Variants in SLC4A1 observed in about 807,000 individuals in gnomAD.
The protein encoded by SLC4A1 is solute carrier family 4 member 1 (Diego blood group).
SLC4A1 carries 29 observed loss-of-function variants against 93.1 expected under a neutral mutation model. The ratio of observed to expected loss-of-function variants is 0.31; its 90% CI spans 0.23 to 0.42. SLC4A1 has a LOEUF of 0.42. SLC4A1 is among the 20% of genes least tolerant of loss of function. The pLI is 1.00. For missense variants in SLC4A1, 965 were observed against 1,190.1 expected (o/e 0.81, Z 2.78); for synonymous variants, 469 against 497.2 (o/e 0.94, Z 0.76).
intron 1 of SLC4A1, among the ~76,000 whole-genome samples, chr17:44,265,157 C>G (rs778873866): frequency 1.3e-5 from 2 of 151,190 alleles, no homozygotes; most frequent in Non-Finnish European, 2.9e-5. Context: ...GAACAAGGCC[C>G]GTCTCTACTC....
At chr17:44,251,097 T>G (rs2047334326) in intron 19 of SLC4A1, 62 bp downstream of exon 19, 2 of 1,529,690 alleles carry the variant, frequency 1.3e-6, no homozygotes, top group Non-Finnish European at 8.9e-7. Flanking sequence ...CCTGCCCTAG[T>G]TCTGAGACGC....
Position 44,257,747 on chromosome 17 carries a change from C to A in SLC4A1, c.1343G>T (p.Gly448Val). Residue 448 changes from glycine (G) to valine (V), a missense_variant, in exon 12 of 20, where the codon GGC becomes GTC. By Grantham distance (109) the Gly-to-Val change is moderately radical. Transcript: ENST00000262418. Reference protein sequence around the residue: ...SELLISTAVQGILFALLGAQP... With the variant: ...SELLISTAVQVILFALLGAQP... ...AGCCCCCAGCAGGGCGAAGAGAATGCCCTGCACTGCAGTGGAGATCAGCAG... is the reference window on the plus strand; with the variant it reads ...AGCCCCCAGCAGGGCGAAGAGAATGACCTGCACTGCAGTGGAGATCAGCAG... 6.2e-7 allele frequency: 1 copy of A among 1,614,026 alleles called. No homozygotes were observed.
At chr17:44,263,791 C>T (rs2047472638) in intron 1 of SLC4A1, among the ~76,000 whole-genome samples, 2 of 148,722 alleles carry the variant, frequency 1.3e-5, no homozygotes, top group African/African-American at 5.1e-5. Context: ...CTTTTTGAGA[C>T]AGAGTCTCAC....
intron 19 of SLC4A1, 134 bp downstream of exon 19, chr17:44,251,025 C>T: frequency 1.0e-6 from 1 of 959,990 alleles, no homozygotes; most frequent in East Asian, 2.6e-5. Flanking sequence ...TATGCTAGGA[C>T]ACAGCAGGCC....
Position 44,257,769 on chromosome 17 carries a change from G to A in SLC4A1, c.1321C>T (p.Leu441=). The A allele has an allele frequency of 6.2e-7, 1 of 1,613,990 alleles. No homozygotes were observed. The highest frequency in any genetic ancestry group is 1.7e-4 in the Middle Eastern group (1 of 6,038). The part of the protein sequence containing the change: ...TRNQMGVSEL[L]ISTAVQGILF... ...ATGCCCTGCACTGCAGTGGAGATCA[G>A]CAGCTCCGACACTCCCATCTGGTTC... The change falls in exon 12 of 20, where the codon CTG becomes TTG. Residue 441 remains leucine (L), a synonymous_variant. Coordinates refer to ENST00000262418, the MANE Select transcript of SLC4A1 (RefSeq NM_000342.4).
Position 44,251,493 on chromosome 17 carries a change from T to C in SLC4A1, c.2407A>G (p.Ile803Val). ...AGCAAGATGCGGTCAAAGAGCTGGA[T>C]GCCGCTGAGCGACGTGACCCCCATG... The part of the protein sequence containing the change: ...LYMGVTSLSG[I>V]QLFDRILLLF... Residue 803 changes from isoleucine to valine, a missense_variant, in exon 18 of 20, where the codon ATC (isoleucine) becomes GTC (valine). This residue lies in a region of SLC4A1 where 770 missense variants were observed against 1,006.6 expected (regional missense o/e 0.76). Coordinates refer to ENST00000262418, the MANE Select transcript of SLC4A1 (RefSeq NM_000342.4). 6.2e-7 allele frequency: 1 copy of C among 1,614,156 alleles called. No homozygotes were observed. The highest frequency in any genetic ancestry group is 8.5e-7 in the Non-Finnish European group (1 of 1,180,038).
At chr17:44,252,026 C>T (rs1223193304) in intron 17 of SLC4A1, among the ~76,000 whole-genome samples, 3 of 148,274 alleles carry the variant, frequency 2.0e-5, no homozygotes, top group Admixed American at 2.0e-4. Context: ...CCACGCCTGG[C>T]CTGGAGCTAT....
rs561325467 is a variant in SLC4A1, at chr17:44,261,730, A to T, written c.107-94T>A. The T allele has an allele frequency of 1.1e-5, 17 of 1,606,752 alleles. No individual in the cohort carries two copies. The Admixed American group carries it at 2.9e-4, about 27-fold the overall frequency. ...GAGCCTCAGAGACCCAGGCATGGGCAGATGCCCCTCCTTCCCAGTGCCCTG... is the reference window on the plus strand; with the variant it reads ...GAGCCTCAGAGACCCAGGCATGGGCTGATGCCCCTCCTTCCCAGTGCCCTG... On this transcript the variant is annotated intron_variant, in intron 3 of 19. Coordinates refer to ENST00000262418, the MANE Select transcript of SLC4A1 (RefSeq NM_000342.4).
chr17:44,262,559 G>T, intron 3 of SLC4A1, 77 bp downstream of exon 3: 1 of 1,068,664 alleles, frequency 9.4e-7, no homozygotes, highest in Non-Finnish European at 1.4e-6. Flanking sequence ...GTGGAGAAGG[G>T]GAGAGGACAA....
intron 1 of SLC4A1, among the ~76,000 whole-genome samples, chr17:44,266,423 G>A (rs1380157075): frequency 6.6e-6 from 1 of 152,162 alleles, no homozygotes; most frequent in African/African-American, 2.4e-5. Flanking sequence ...TTGCCTATCT[G>A]AGGAGTGGAA....
Position 44,259,388 on chromosome 17 carries a change from G to T in SLC4A1, c.695-44C>A, listed in dbSNP as rs765030125. On this transcript the variant is annotated intron_variant, in intron 8 of 19. Transcript: ENST00000262418. ...ATCAGGCCAGGCCGAGGAGCCCAGG[G>T]TGGGTGTGCTGAAGAGATGGGGCTG... is the stretch of plus-strand genomic sequence containing the variant. The T allele has an allele frequency of 2.5e-6, 4 of 1,611,472 alleles. No homozygotes were observed. The African/African-American group carries it at 5.3e-5, about 22-fold the overall frequency.
At chr17:44,266,947 A>G (rs1390701544) in intron 1 of SLC4A1, among the ~76,000 whole-genome samples, 2 of 152,240 alleles carry the variant, frequency 1.3e-5, no homozygotes, top group African/African-American at 4.8e-5. Flanking sequence ...CGAACTGCAC[A>G]AAGAACTGTA....
intron 1 of SLC4A1, among the ~76,000 whole-genome samples, chr17:44,265,837 C>T (rs934411017): frequency 1.3e-5 from 2 of 151,996 alleles, no homozygotes; most frequent in African/African-American, 4.8e-5. Flanking sequence ...AAAAATTAGC[C>T]AGGCGTGGTG....
chr17:44,253,501 G>T, intron 16 of SLC4A1, 130 bp from the exon 17 acceptor site: 3 of 1,164,448 alleles, frequency 2.6e-6, no homozygotes, highest in Non-Finnish European at 3.6e-6. Flanking sequence ...TGAGTTCCTT[G>T]CTCCCCTCCC....
rs556266412 is a variant in SLC4A1 at position 44,255,661 on chromosome 17, G to A, written c.1800+12C>T. On this transcript the variant is annotated intron_variant, in intron 14 of 19. Coordinates refer to ENST00000262418, the MANE Select transcript of SLC4A1 (RefSeq NM_000342.4). ...CAGTGTTGGCAAGGACAGGCGAGGA[G>A]GGTATGCTGACCTTGCCAGGGAAAT... 408 of 1,613,032 alleles carry A rather than the reference G, an allele frequency of 2.5e-4. 5 individuals are homozygous for A. In the Middle Eastern group the frequency reaches 4.1e-3, roughly 16 times the overall value.
Position 44,254,613 on chromosome 17 carries a change from C to T in SLC4A1, c.1940G>A (p.Gly647Asp), listed in dbSNP as rs745877067. The T allele has an allele frequency of 3.7e-6, 6 of 1,614,018 alleles. No homozygotes were observed. Among genetic ancestry groups the T allele is most frequent in the Admixed American group, 1.7e-5 (1 of 60,004 alleles). Reference sequence around the variant, plus strand: ...CAAGCCCAGTGGGTGGATGACCCAGCCCCGGGCTGAGGAGTTGGACACCTT... The same window carrying T: ...CAAGCCCAGTGGGTGGATGACCCAGTCCCGGGCTGAGGAGTTGGACACCTT... ...GFKVSNSSARGWVIHPLGLRS... is the reference protein window; with the variant it reads ...GFKVSNSSARDWVIHPLGLRS... The change falls in exon 16 of 20, where the codon GGC (glycine) becomes GAC (aspartate). Residue 647 changes from glycine (G) to aspartate (D), a missense_variant. This residue lies in a region of SLC4A1 where 770 missense variants were observed against 1,006.6 expected (regional missense o/e 0.76). Transcript: ENST00000262418.
intron 4 of SLC4A1, 147 bp from the exon 5 acceptor site, chr17:44,260,962 C>T: frequency 1.1e-6 from 1 of 919,868 alleles, no homozygotes; most frequent in Non-Finnish European, 1.7e-6. Flanking sequence ...ACTCCCTTAT[C>T]TCCCAACTTC....
intron 7 of SLC4A1, 107 bp from the exon 8 acceptor site, chr17:44,259,688 G>A (rs1014590420): frequency 1.7e-5 from 26 of 1,533,414 alleles, no homozygotes; most frequent in Non-Finnish European, 2.1e-5. Flanking sequence ...GGCACCCCCC[G>A]GGCACAGGAG....
chr17:44,250,959 C>T (rs915077816), intron 19 of SLC4A1, among the ~76,000 whole-genome samples, 200 bp downstream of exon 19: 1 of 152,208 alleles, frequency 6.6e-6, no homozygotes, highest in Non-Finnish European at 1.5e-5. Flanking sequence ...TCATTTCCCC[C>T]TTTACAGGTG....
Sources: allele counts gnomAD v4.1 joint callset (sites outside exome capture counted in the v4.1 genomes callset), GRCh38; gene constraint gnomAD v4.1.1; regional missense constraint gnomAD v4.1.1; transcripts MANE v1.5; gene names NCBI Gene and HGNC (gene_info 2026-07-23, HGNC 2026-07-21).